The following ATP2A3 variants were observed in gnomAD, a reference collection of about 807,000 sequenced individuals.
ATP2A3 encodes ATPase sarcoplasmic/endoplasmic reticulum Ca2+ transporting 3, also known as sarcoplasmic/endoplasmic reticulum calcium ATPase 3.
In ATP2A3, 61 loss-of-function variants were observed where a neutral mutation model predicts 106.8. The ratio of observed to expected loss-of-function variants is 0.57; its 90% confidence interval spans 0.46 to 0.71. ATP2A3 has a LOEUF of 0.71. Among genes scored for constraint, ATP2A3 ranks in the 30% least tolerant of loss-of-function variants. The pLI, the probability that ATP2A3 is intolerant of heterozygous loss-of-function variation, is 0.00. For missense variants in ATP2A3, 1,201 were observed against 1,423.5 expected (o/e 0.84, Z 2.52); for synonymous variants, 611 against 609.3 (o/e 1.00, Z -0.04).
At chr17:3,961,208 G>A (rs76412121) in intron 1 of ATP2A3, among the ~76,000 whole-genome samples, 15,781 of 152,204 alleles carry the variant, frequency 0.1, 918 homozygotes, top group Middle Eastern at 0.15. Flanking sequence ...GGCTGGGGAC[G>A]GGGCGGAGAA....
At chr17:3,946,779 G>A (rs2054140724) in intron 8 of ATP2A3, among the ~76,000 whole-genome samples, 1 of 152,130 alleles carries the variant, frequency 6.6e-6, no homozygotes, top group African/African-American at 2.4e-5. Flanking sequence ...ACCTGGGAAG[G>A]GTGGGGAACA....
Position 3,925,270 on chromosome 17 carries a change from G to T in ATP2A3, c.*152C>A, listed in dbSNP as rs1187819360. On this transcript the variant is annotated 3_prime_UTR_variant, in exon 21 of 21. Transcript: ENST00000397041. The surrounding 1 kb of genome is among the most constrained non-coding windows in gnomAD (Gnocchi z 4.2). ...ACAGAGACCCCAGGACGGGGCCCGG[G>T]GATGGCCATTCTGACCTCGGGCCTG... 2.3e-6 allele frequency: 3 copies of T among 1,314,522 alleles called. No homozygotes were observed. The Admixed American group carries it at 5.8e-5, about 25-fold the overall frequency. The allele number at this position is 1,314,522 out of a possible 1,614,324, so 81.4% of individuals were successfully genotyped here.
intron 10 of ATP2A3, among the ~76,000 whole-genome samples, chr17:3,944,492 C>T (rs1399231429): frequency 6.6e-6 from 1 of 152,172 alleles, no homozygotes; most frequent in Non-Finnish European, 1.5e-5. Context: ...ATGGCAGTCC[C>T]CCACAGACCA....
chr17:3,953,271 C>G lies in ATP2A3; in HGVS notation c.219+76G>C. On this transcript the variant is annotated intron_variant, in intron 3 of 20. Transcript: ENST00000397041. The surrounding 1 kb of genome is among the most constrained non-coding windows in gnomAD (Gnocchi z 5.1). ...GGAGGACAGGCCCAGGCTCCAGGAC[C>G]TCGGAGCACTGCCCAGCCTGGCTCT... 6.6e-7 allele frequency: 1 copy of G among 1,524,688 alleles called. No homozygotes were observed. The highest frequency in any genetic ancestry group is 9.1e-7 in the Non-Finnish European group (1 of 1,099,724). 94.4% of individuals were successfully genotyped at this position (1,524,688 alleles called of 1,614,324 possible). A position where few individuals can be genotyped will look rare whatever the true frequency, so the allele number is the denominator to read the frequency against.
At position 3,930,780 on chromosome 17, in the gene ATP2A3, A is replaced by C; in HGVS notation, c.2611-346T>G. On this transcript the variant is annotated intron_variant, in intron 17 of 20. Coordinates refer to ENST00000397041, the MANE Select transcript of ATP2A3 (RefSeq NM_005173.4). The surrounding 1 kb of genome is among the most constrained non-coding windows in gnomAD (Gnocchi z 5.4). The stretch of plus-strand genomic sequence containing the variant: ...AATGCATGTGAAAATCAACCAACAA[A>C]ACCATGCGGGAGTGGAATTCACCTT... The C allele has an allele frequency of 1.0e-5, 4 of 400,274 alleles. No individual in the cohort carries two copies. The highest frequency in any genetic ancestry group is 5.7e-5 in the East Asian group (1 of 17,516). The allele number at this position is 400,274 out of a possible 1,614,324, so 24.8% of individuals were successfully genotyped here. A position where few individuals can be genotyped will look rare whatever the true frequency, so the allele number is the denominator to read the frequency against.
At position 3,935,243 on chromosome 17, in the gene ATP2A3, G is replaced by C; in HGVS notation, c.2559C>G (p.Thr853=). The C allele has an allele frequency of 6.2e-7, 1 of 1,613,792 alleles. No homozygotes were observed. Among genetic ancestry groups the C allele is most frequent in the Non-Finnish European group, 8.5e-7 (1 of 1,180,044 alleles). Residue 853 remains threonine, a synonymous_variant, in exon 17 of 21, where the codon ACC becomes ACG. Coordinates refer to ENST00000397041, the MANE Select transcript of ATP2A3 (RefSeq NM_005173.4). ...YVGLATVAAA[T]WWFVYDAEGP... is the part of the protein sequence containing the mutation. ...CCTCGGCGTCATACACAAACCACCA[G>C]GTGGCGGCAGCCACTGTGGCCAGGC... is the stretch of plus-strand genomic sequence containing the variant.
Position 3,925,538 on chromosome 17 carries a change from G to A in ATP2A3, c.2981-97C>T, listed in dbSNP as rs1003392459. The stretch of plus-strand genomic sequence containing the variant: ...CCCTTCCATCCTCCACTTCTCCCAG[G>A]ACAGCCCCAGGCTCCCAAGGCCTCC... On this transcript the variant is annotated intron_variant, in intron 20 of 20. Coordinates refer to ENST00000397041, the MANE Select transcript of ATP2A3 (RefSeq NM_005173.4). The surrounding 1 kb of genome is among the most constrained non-coding windows in gnomAD (Gnocchi z 4.2). 1.2e-5 allele frequency: 17 copies of A among 1,468,280 alleles called. No individual in the cohort carries two copies. Among genetic ancestry groups the A allele is most frequent in the Middle Eastern group, 3.4e-4 (2 of 5,850 alleles). The allele number at this position is 1,468,280 out of a possible 1,614,324, so 91.0% of individuals were successfully genotyped here.
intron 20 of ATP2A3, chr17:3,927,960 T>A (rs770036781): frequency 1.9e-6 from 3 of 1,613,450 alleles, no homozygotes; most frequent in Non-Finnish European, 2.5e-6. Flanking sequence ...TCTGCGCAAA[T>A]TCCCAGGAAC....
chr17:3,936,449 A>T lies in ATP2A3; in HGVS notation c.2342T>A (p.Leu781Gln). 1.2e-6 allele frequency: 2 copies of T among 1,614,108 alleles called. No individual in the cohort carries two copies. The highest frequency in any genetic ancestry group is 1.7e-6 in the Non-Finnish European group (2 of 1,180,020). ...AGGGATCAGGGCTTCGGGCAGGCCC[A>T]GAATTGCCGTGAGGAAGATGCTGGA... ...EVVCIFLTAI[L>Q]GLPEALIPVQ... is the part of the protein sequence containing the mutation. Residue 781 changes from leucine (L) to glutamine (Q), a missense_variant, in exon 16 of 21, where the codon CTG (leucine) becomes CAG (glutamine). Transcript: ENST00000397041. The surrounding 1 kb of genome is among the most constrained non-coding windows in gnomAD (Gnocchi z 5.4).
At position 3,941,636 on chromosome 17, in the gene ATP2A3, T is replaced by C. The variant is rs2053784908; in HGVS notation, c.1564A>G (p.Ile522Val). Residue 522 changes from isoleucine to valine, a missense_variant, in exon 13 of 21, where the codon ATC becomes GTC. By Grantham distance (29) the Ile-to-Val change is conservative. Transcript: ENST00000397041. ...ACGCGGACTGAGCTACAGCGCTCGATCACACTCTCAGGAGCCCCCTGCGAG... is the reference window on the plus strand; with the variant it reads ...ACGCGGACTGAGCTACAGCGCTCGACCACACTCTCAGGAGCCCCCTGCGAG... ...MFVKGAPESV[I>V]ERCSSVRVGS... is the part of the protein sequence containing the mutation. The C allele has an allele frequency of 3.1e-6, 5 of 1,608,592 alleles. No homozygotes were observed. In the South Asian group the frequency reaches 4.4e-5, roughly 14 times the overall value.
At chr17:3,938,149 C>T (rs1443696979) in intron 14 of ATP2A3, among the ~76,000 whole-genome samples, 1 of 152,124 alleles carries the variant, frequency 6.6e-6, no homozygotes, top group Admixed American at 6.5e-5. Context: ...AAACTGAAGG[C>T]CAGGCCAGGA....
rs755944887 is a variant in ATP2A3, at chr17:3,925,346, G to T, written c.*76C>A. On this transcript the variant is annotated 3_prime_UTR_variant, in exon 21 of 21. Coordinates refer to ENST00000397041, the MANE Select transcript of ATP2A3 (RefSeq NM_005173.4). This position sits in a 1 kb window ranked among gnomAD's most constrained non-coding sequence, Gnocchi z 4.2. ...GCAAGTGGGCGAGTGTGGTGGCAAGGGTGGGGGGCGGAGGCGAACACATGG... is the reference window on the plus strand; with the variant it reads ...GCAAGTGGGCGAGTGTGGTGGCAAGTGTGGGGGGCGGAGGCGAACACATGG... 1 of 1,612,656 alleles carries T rather than the reference G, an allele frequency of 6.2e-7. No individual in the cohort carries two copies. Among genetic ancestry groups the T allele is most frequent in the South Asian group, 1.1e-5 (1 of 90,950 alleles).
intron 17 of ATP2A3, among the ~76,000 whole-genome samples, chr17:3,933,925 TTC>T: frequency 6.9e-6 from 1 of 143,978 alleles, no homozygotes; most frequent in South Asian, 2.2e-4. Context: ...TTCTTTTCTT[TTC>T]TTTTTTTCTT....
chr17:3,953,507 C>T lies in ATP2A3; in HGVS notation c.137-78G>A, dbSNP rs538791791. 1.1e-5 allele frequency: 17 copies of T among 1,540,098 alleles called. No individual in the cohort carries two copies. In the African/African-American group the frequency reaches 2.2e-4, roughly 20 times the overall value. On this transcript the variant is annotated intron_variant, in intron 2 of 20. Transcript: ENST00000397041. The surrounding 1 kb of genome is among the most constrained non-coding windows in gnomAD (Gnocchi z 5.1). ...CTCAGAGCTGGGATGGCCCGGGAGA[C>T]CTCCCGGCCCATTCCCTCCCTGCAC...
At chr17:3,935,467 C>T (rs8082265) in intron 16 of ATP2A3, among the ~76,000 whole-genome samples, 190 bp from the exon 17 acceptor site, 22,668 of 151,666 alleles carry the variant, frequency 0.15, 1,847 homozygotes, top group Middle Eastern at 0.21. Context: ...CTGCCATACC[C>T]TTGGCCCCAG....
chr17:3,937,328 G>A (rs2053505526), intron 15 of ATP2A3, 88 bp downstream of exon 15: 12 of 1,439,806 alleles, frequency 8.3e-6, no homozygotes, highest in Non-Finnish European at 1.1e-5. Flanking sequence ...CTCCATCCCT[G>A]CAGCGCATCC....
At position 3,935,083 on chromosome 17, in the gene ATP2A3, G is replaced by A. The variant is rs982015061; in HGVS notation, c.2610+109C>T. ...GGGGATGTTTATTCGTGTATAGCGA[G>A]TGGGGAAGGACACTGCAGGCCACCC... On this transcript the variant is annotated intron_variant, in intron 17 of 20. Transcript: ENST00000397041. 39 of 1,142,074 alleles carry A rather than the reference G, an allele frequency of 3.4e-5. 1 individual carries two copies. Among genetic ancestry groups the A allele is most frequent in the Non-Finnish European group, 4.7e-5 (36 of 764,266 alleles). The allele number at this position is 1,142,074 out of a possible 1,614,324, so 70.7% of individuals were successfully genotyped here.
At chr17:3,960,601 T>A (rs1036860225) in intron 1 of ATP2A3, among the ~76,000 whole-genome samples, 3 of 152,182 alleles carry the variant, frequency 2.0e-5, no homozygotes, top group Non-Finnish European at 2.9e-5. Context: ...GCAGAGGAGA[T>A]GGGCAGCCCA....
At position 3,924,812 on chromosome 17, in the gene ATP2A3, A is replaced by G; in HGVS notation, c.*610T>C. ...TCACCCGCCCGGGCCCTGCACATAT[A>G]AACAGAAGCAGCCTCGAGCTCTCGG... On this transcript the variant is annotated 3_prime_UTR_variant, in exon 21 of 21. Coordinates refer to ENST00000397041, the MANE Select transcript of ATP2A3 (RefSeq NM_005173.4). The surrounding 1 kb of genome is among the most constrained non-coding windows in gnomAD (Gnocchi z 6.4). 2.2e-6 allele frequency: 1 copy of G among 456,538 alleles called. No homozygotes were observed. The highest frequency in any genetic ancestry group is 1.5e-5 in the South Asian group (1 of 64,550). The allele number at this position is 456,538 out of a possible 1,614,324, so 28.3% of individuals were successfully genotyped here.
Sources: allele counts gnomAD v4.1 joint callset (sites outside exome capture counted in the v4.1 genomes callset), GRCh38; gene constraint gnomAD v4.1.1; non-coding constraint Gnocchi (gnomAD v3.1); transcripts MANE v1.5; gene names NCBI Gene and HGNC (gene_info 2026-07-23, HGNC 2026-07-21).